The following OCLN variants were observed in gnomAD, a reference collection of about 807,000 sequenced individuals.
OCLN encodes the protein phosphatase 1, regulatory subunit 115.
In OCLN, 21 loss-of-function variants were observed where a neutral mutation model predicts 47.9. The observed-to-expected ratio is 0.44, with a 90% confidence interval of 0.31 to 0.63. The LOEUF is 0.63. OCLN is among the 30% of genes least tolerant of loss of function. The pLI is 0.08. For missense variants in OCLN, 360 were observed against 571.0 expected (o/e 0.63, Z 3.77); for synonymous variants, 117 against 198.4 (o/e 0.59, Z 3.45).
intron 1 of OCLN, among the ~76,000 whole-genome samples, chr5:69,494,247 G>T (rs960302674): frequency 1.3e-5 from 2 of 152,110 alleles, no homozygotes; most frequent in African/African-American, 2.4e-5. Flanking sequence ...CAGTGCAGTG[G>T]CATCATCTGG....
At chr5:69,503,157 C>T (rs1315384944) in intron 1 of OCLN, among the ~76,000 whole-genome samples, 1 of 152,158 alleles carries the variant, frequency 6.6e-6, no homozygotes, top group African/African-American at 2.4e-5. Context: ...TCCTTCCTAT[C>T]TTCTGTCTCC....
At chr5:69,498,840 A>G (rs1438895719) in intron 1 of OCLN, among the ~76,000 whole-genome samples, 1 of 151,820 alleles carries the variant, frequency 6.6e-6, no homozygotes, top group South Asian at 2.1e-4. Flanking sequence ...GCACAATCCC[A>G]GTTAATTTTT....
chr5:69,509,431 ACGGAAG>A lies in OCLN; in HGVS notation c.342_347del (p.Ser116_Gly117del), dbSNP rs1304350149. ...TATGGAGGAAGTGGCTTTGGTAGCTACGGAAGTGGCTATGGCTATGGCTATGGTTAT... is the reference window on the plus strand; with the variant it reads ...TATGGAGGAAGTGGCTTTGGTAGCTATGGCTATGGCTATGGCTATGGTTAT... On this transcript the variant is annotated inframe_deletion, in exon 3 of 9. Transcript: ENST00000396442. 11 of 1,614,188 alleles carry A rather than the reference ACGGAAG, an allele frequency of 6.8e-6. No individual in the cohort carries two copies. Among genetic ancestry groups the A allele is most frequent in the Admixed American group, 1.7e-5 (1 of 60,024 alleles).
chr5:69,507,133 T>G (rs1768628949), intron 2 of OCLN, among the ~76,000 whole-genome samples: 1 of 152,250 alleles, frequency 6.6e-6, no homozygotes, highest in South Asian at 2.1e-4. Context: ...TAGTTTTACC[T>G]GTTTTATTTA....
At chr5:69,510,572 A>G (rs560716949) in intron 3 of OCLN, among the ~76,000 whole-genome samples, 1 of 152,008 alleles carries the variant, frequency 6.6e-6, no homozygotes, top group African/African-American at 2.4e-5. Flanking sequence ...AGTCCCAGCT[A>G]CTCGGGAGGC....
chr5:69,504,152 C>A, intron 1 of OCLN, 25 bp from the exon 2 acceptor site: 1 of 857,668 alleles, frequency 1.2e-6, no homozygotes, highest in Non-Finnish European at 2.0e-6. Flanking sequence ...AGTAGTAATG[C>A]CATAACTCTA....
intron 1 of OCLN, among the ~76,000 whole-genome samples, chr5:69,503,856 A>G (rs988649675): frequency 2.0e-5 from 3 of 152,148 alleles, no homozygotes; most frequent in Admixed American, 6.5e-5. Flanking sequence ...GTGCGGCTAT[A>G]TGTGCACTTT....
In OCLN at chr5:69,545,100, C is replaced by T; in HGVS notation, c.1234C>T (p.Leu412=). 2 of 1,613,842 alleles carry T rather than the reference C, an allele frequency of 1.2e-6. No individual in the cohort carries two copies. The highest frequency in any genetic ancestry group is 8.5e-7 in the Non-Finnish European group (1 of 1,179,842). ...YTTGGESCDE[L]EEDWIREYPP... ...AACTGGCGGCGAGTCCTGTGATGAG[C>T]TGGAGGAGGACTGGATCAGGTACCG... Residue 412 remains leucine (L), a synonymous_variant, in exon 6 of 9, where the codon CTG becomes TTG. Coordinates refer to ENST00000396442, the MANE Select transcript of OCLN (RefSeq NM_001205254.2).
chr5:69,495,467 C>T (rs1290473474), intron 1 of OCLN, among the ~76,000 whole-genome samples: 1 of 152,134 alleles, frequency 6.6e-6, no homozygotes, highest in Non-Finnish European at 1.5e-5. Context: ...TTAGACTCTA[C>T]GCACTTAATT....
intron 4 of OCLN, among the ~76,000 whole-genome samples, 199 bp downstream of exon 4, chr5:69,514,308 A>G (rs1768866673): frequency 1.3e-5 from 2 of 152,204 alleles, no homozygotes; most frequent in Non-Finnish European, 2.9e-5. Context: ...TCAGATTTCC[A>G]TTTTCAAGGA....
chr5:69,495,129 A>G (rs1222897078), intron 1 of OCLN, among the ~76,000 whole-genome samples: 2 of 151,930 alleles, frequency 1.3e-5, no homozygotes, highest in East Asian at 1.9e-4. Flanking sequence ...CTTCCTAGGA[A>G]CCTCCCAGAA....
chr5:69,515,628 C>T lies in OCLN; in HGVS notation c.891+1519C>T, dbSNP rs1248637301. Among the ~76,000 whole-genome samples, 30 of 29,664 alleles carry T rather than the reference C, an allele frequency of 1.0e-3. No homozygotes were observed. The South Asian group carries it at 0.032, about 32-fold the overall frequency. The allele number at this position is 29,664 out of a possible 152,430, so 19.5% of individuals were successfully genotyped here. A position where few individuals can be genotyped will look rare whatever the true frequency, so the allele number is the denominator to read the frequency against. On this transcript the variant is annotated intron_variant, in intron 4 of 8. Transcript: ENST00000396442. Reference sequence around the variant, plus strand: ...CTCCCGGACGGGGCGGCTGGCCGGGCGGGGGGCTGACCCCCCCACCTCCCT... The same window carrying T: ...CTCCCGGACGGGGCGGCTGGCCGGGTGGGGGGCTGACCCCCCCACCTCCCT...
chr5:69,527,888 G>A (rs373066034), intron 4 of OCLN, among the ~76,000 whole-genome samples: 1 of 152,106 alleles, frequency 6.6e-6, no homozygotes, highest in Non-Finnish European at 1.5e-5. Flanking sequence ...GGGTCTTCTC[G>A]GTTGGGGGCT....
intron 4 of OCLN, among the ~76,000 whole-genome samples, chr5:69,519,629 G>A (rs1769077348): frequency 6.6e-6 from 1 of 152,008 alleles, no homozygotes; most frequent in Non-Finnish European, 1.5e-5. Context: ...TCTTTGTTTT[G>A]TTCTGCCCTC....
At chr5:69,501,201 C>T (rs564628724) in intron 1 of OCLN, among the ~76,000 whole-genome samples, 1 of 152,316 alleles carries the variant, frequency 6.6e-6, no homozygotes, top group African/African-American at 2.4e-5. Context: ...CAGGTGTGAG[C>T]CACCTCACCT....
rs762908076 is a variant in OCLN, at chr5:69,509,533, G to C, written c.443G>C (p.Cys148Ser). The part of the protein sequence containing the change: ...KGFMLAMAAF[C>S]FIAALVIFVT... ...TTCATGTTGGCCATGGCTGCCTTTT[G>C]TTTCATTGCCGCGTTGGTGATCTTT... is the stretch of plus-strand genomic sequence containing the variant. The change falls in exon 3 of 9, where the codon TGT becomes TCT. Residue 148 changes from cysteine to serine, a missense_variant. Physicochemically the swap from Cys to Ser is moderately radical, Grantham distance 112 (BLOSUM62 -1). Transcript: ENST00000396442. 2 of 1,614,040 alleles carry C rather than the reference G, an allele frequency of 1.2e-6. No homozygotes were observed. Among genetic ancestry groups the C allele is most frequent in the Non-Finnish European group, 1.7e-6 (2 of 1,180,030 alleles).
chr5:69,502,087 T>G (rs574326807), intron 1 of OCLN, among the ~76,000 whole-genome samples: 1 of 152,050 alleles, frequency 6.6e-6, no homozygotes, highest in East Asian at 1.9e-4. Context: ...TAGTCCCAGC[T>G]ACTCGGGAGG....
intron 7 of OCLN, among the ~76,000 whole-genome samples, chr5:69,549,003 C>T (rs888571813): frequency 1.6e-4 from 24 of 146,638 alleles, no homozygotes; most frequent in Middle Eastern, 3.5e-3. Context: ...TATTATCTTT[C>T]CTATTTATAA....
In OCLN at chr5:69,538,839, CTAAGT is replaced by C. The variant is rs1019975765; in HGVS notation, c.1037+4002_1037+4006del. ...GGTACGCAAGAGAGATGCAATCCTT[CTAAGT>C]TTTTTTTTTTCATCATTTGTTTGAG... On this transcript the variant is annotated intron_variant, in intron 5 of 8. Coordinates refer to ENST00000396442, the MANE Select transcript of OCLN (RefSeq NM_001205254.2). 9.2e-4 allele frequency among the ~76,000 whole-genome samples: 104 copies of C among 113,430 alleles called. 5 individuals carry two copies. Among genetic ancestry groups the C allele is most frequent in the South Asian group, 6.7e-3 (25 of 3,734 alleles). The allele number at this position is 113,430 out of a possible 152,430, so 74.4% of individuals were successfully genotyped here.
Sources: gnomAD v4.1 joint callset for allele counts (sites outside exome capture counted in the v4.1 genomes callset) on GRCh38, gnomAD v4.1.1 for gene constraint, MANE v1.5 for transcripts, NCBI Gene and HGNC (gene_info 2026-07-23, HGNC 2026-07-21) for gene names.